The following PRPF8 variants were observed in gnomAD, a reference collection of about 807,000 sequenced individuals.
PRPF8 encodes the protein pre-mRNA processing factor 8.
A neutral mutation model predicts 285.9 loss-of-function variants in PRPF8; 64 were observed. The observed-to-expected ratio is 0.22, with a 90% CI of 0.18 to 0.28. The LOEUF (loss-of-function observed/expected upper bound fraction) is 0.28. Among genes scored for constraint, PRPF8 ranks in the 10% least tolerant of loss-of-function variants. The pLI is 1.00. For missense variants in PRPF8, 1,426 were observed against 3,026.7 expected, an observed-to-expected ratio of 0.47 and a Z score of 12.41; for synonymous variants, 1,325 against 1,118.2, an observed-to-expected ratio of 1.18 and a Z score of -3.69.
At position 1,651,211 on chromosome 17, in the gene PRPF8, G is replaced by T. The variant is rs759598868; in HGVS notation, c.6750C>A (p.Gly2250=). ...QNTDKGNNPK[G]YLPSHYERVQ... ...CCCTCTCATAGTGTGAAGGCAGGTAGCCCTTGGGGTTGTTGCCCTTGTCTG... is the reference window on the plus strand; with the variant it reads ...CCCTCTCATAGTGTGAAGGCAGGTATCCCTTGGGGTTGTTGCCCTTGTCTG... The change falls in exon 42 of 43, where the codon GGC becomes GGA. Residue 2250 remains glycine, a synonymous_variant. Transcript: ENST00000304992. The surrounding 1 kb of genome is among the most constrained non-coding windows in gnomAD (Gnocchi z 5.1). 3.7e-6 allele frequency: 6 copies of T among 1,614,152 alleles called. No homozygotes were observed. Among genetic ancestry groups the T allele is most frequent in the Non-Finnish European group, 5.1e-6 (6 of 1,180,046 alleles).
In PRPF8 at chr17:1,673,778, G is replaced by A; in HGVS notation, c.3414C>T (p.Ala1138=). 1 of 1,614,122 alleles carries A rather than the reference G, an allele frequency of 6.2e-7. No individual in the cohort carries two copies. Among genetic ancestry groups the A allele is most frequent in the Non-Finnish European group, 8.5e-7 (1 of 1,180,032 alleles). ...YNNKKCWPRD[A]RMRLMKHDVN... ...CATCATGTTTCATGAGGCGCATGCG[G>A]GCATCTCGGGGCCAGCACTTCTTGT... Residue 1138 remains alanine (A), a synonymous_variant, in exon 22 of 43, where the codon GCC becomes GCT. Coordinates refer to ENST00000304992, the MANE Select transcript of PRPF8 (RefSeq NM_006445.4). The surrounding 1 kb of genome is among the most constrained non-coding windows in gnomAD (Gnocchi z 5.5).
Position 1,659,867 on chromosome 17 carries a change from G to A in PRPF8, c.4920C>T (p.Ser1640=), listed in dbSNP as rs368708320. The change falls in exon 31 of 43, where the codon TCC becomes TCT. Residue 1640 remains serine (S), a synonymous_variant. Transcript: ENST00000304992. The surrounding 1 kb of genome is among the most constrained non-coding windows in gnomAD (Gnocchi z 5.1). ...TGGAGTCAGCCAGCAATGAGGGCCG[G>A]GAGACATTCCACTTATAGGAGGCAA... ...LLFASYKWNV[S]RPSLLADSKD... is the part of the protein sequence containing the mutation. The A allele has an allele frequency of 5.6e-6, 9 of 1,614,078 alleles. No homozygotes were observed. The highest frequency in any genetic ancestry group is 2.2e-5 in the East Asian group (1 of 44,900).
intron 34 of PRPF8, among the ~76,000 whole-genome samples, 184 bp from the exon 35 acceptor site, chr17:1,656,945 C>T (rs373794134): frequency 1.4e-4 from 21 of 152,280 alleles, no homozygotes; most frequent in African/African-American, 5.1e-4. Context: ...CTGACAGCCC[C>T]TTTCAACAAG....
At chr17:1,678,689 A>C (rs1436252836) in intron 12 of PRPF8, 37 bp from the exon 13 acceptor site, 3 of 1,614,046 alleles carry the variant, frequency 1.9e-6, no homozygotes, top group Non-Finnish European at 2.5e-6. Context: ...TGGAGCTTAA[A>C]CCAGCTCCAC....
rs746620166 is a variant in PRPF8, at chr17:1,673,492, G to T, written c.3522C>A (p.Phe1174Leu). The change falls in exon 23 of 43, where the codon TTC (phenylalanine) becomes TTA (leucine). Residue 1174 changes from phenylalanine to leucine, a missense_variant. Coordinates refer to ENST00000304992, the MANE Select transcript of PRPF8 (RefSeq NM_006445.4). This position sits in a 1 kb window ranked among gnomAD's most constrained non-coding sequence, Gnocchi z 5.5. ...SVTTVQWENSFVSVYSKDNPN... is the reference protein window; with the variant it reads ...SVTTVQWENSLVSVYSKDNPN... Reference sequence around the variant, plus strand: ...GGTTGTCCTTACTGTACACAGACACGAAGCTGTTCTCCCACTGAACTGTAG... The same window carrying T: ...GGTTGTCCTTACTGTACACAGACACTAAGCTGTTCTCCCACTGAACTGTAG... 1.2e-6 allele frequency: 2 copies of T among 1,614,106 alleles called. No individual in the cohort carries two copies. Among genetic ancestry groups the T allele is most frequent in the South Asian group, 2.2e-5 (2 of 91,064 alleles).
At chr17:1,657,507 G>A (rs891452251) in intron 34 of PRPF8, among the ~76,000 whole-genome samples, 1 of 151,700 alleles carries the variant, frequency 6.6e-6, no homozygotes, top group Non-Finnish European at 1.5e-5. Flanking sequence ...TTAGCCGGGC[G>A]TGGTGGCGGG....
Position 1,673,287 on chromosome 17 carries a change from C to A in PRPF8, c.3657+70G>T, listed in dbSNP as rs1026178891. 4.2e-4 allele frequency: 680 copies of A among 1,605,164 alleles called. No homozygotes were observed. The highest frequency in any genetic ancestry group is 7.8e-4 in the South Asian group (71 of 90,860). Reference sequence around the variant, plus strand: ...CCACCACTCAAGTCTTTCCACCCAACAAGACTCCGGTGACTGACCCAGGAA... The same window carrying A: ...CCACCACTCAAGTCTTTCCACCCAAAAAGACTCCGGTGACTGACCCAGGAA... On this transcript the variant is annotated intron_variant, in intron 23 of 42. Coordinates refer to ENST00000304992, the MANE Select transcript of PRPF8 (RefSeq NM_006445.4). This position sits in a 1 kb window ranked among gnomAD's most constrained non-coding sequence, Gnocchi z 5.5.
At chr17:1,666,752 C>T (rs916633839) in intron 24 of PRPF8, among the ~76,000 whole-genome samples, 2 of 151,962 alleles carry the variant, frequency 1.3e-5, no homozygotes, top group South Asian at 4.2e-4. Flanking sequence ...TAGTAATCTG[C>T]CTTGAGCAAA....
Position 1,675,557 on chromosome 17 carries a change from A to AT in PRPF8, c.2872+62dup. 6.2e-7 allele frequency: 1 copy of AT among 1,601,116 alleles called. No individual in the cohort carries two copies. Among genetic ancestry groups the AT allele is most frequent in the Non-Finnish European group, 8.6e-7 (1 of 1,168,774 alleles). Reference sequence around the variant, plus strand: ...AAACCAATCATGCTACCCAGATGAGATTTTTGACGTAGAACTAAATTCCTG... The same window carrying AT: ...AAACCAATCATGCTACCCAGATGAGATTTTTTGACGTAGAACTAAATTCCTG... On this transcript the variant is annotated intron_variant, in intron 19 of 42. Coordinates refer to ENST00000304992, the MANE Select transcript of PRPF8 (RefSeq NM_006445.4). This position sits in a 1 kb window ranked among gnomAD's most constrained non-coding sequence, Gnocchi z 6.0.
At chr17:1,670,218 T>G (rs1203015612) in intron 24 of PRPF8, among the ~76,000 whole-genome samples, 1 of 152,216 alleles carries the variant, frequency 6.6e-6, no homozygotes, top group Non-Finnish European at 1.5e-5. Flanking sequence ...TGGGGAAATC[T>G]CCATCTGAAT....
chr17:1,668,552 C>T (rs1001902467), intron 24 of PRPF8, among the ~76,000 whole-genome samples: 6 of 151,590 alleles, frequency 4.0e-5, no homozygotes, highest in Admixed American at 1.3e-4. Context: ...TTAGTAGAGA[C>T]GGGGTTTCAC....
At chr17:1,655,627 ATTTT>A in intron 36 of PRPF8, 84 bp from the exon 37 acceptor site, 1 of 1,042,200 alleles carries the variant, frequency 9.6e-7, no homozygotes, top group Non-Finnish European at 1.4e-6. Flanking sequence ...AAACCCAAGA[ATTTT>A]TTTTTTTTCT....
At position 1,675,808 on chromosome 17, in the gene PRPF8, C is replaced by G; in HGVS notation, c.2684G>C (p.Gly895Ala). 6.2e-7 allele frequency: 1 copy of G among 1,614,138 alleles called. No homozygotes were observed. The highest frequency in any genetic ancestry group is 8.5e-7 in the Non-Finnish European group (1 of 1,180,026). Residue 895 changes from glycine to alanine, a missense_variant, in exon 19 of 43, where the codon GGC (glycine) becomes GCC (alanine). This residue lies in a region of PRPF8 where 70 missense variants were observed against 273.7 expected (regional missense o/e 0.26). Transcript: ENST00000304992. This position sits in a 1 kb window ranked among gnomAD's most constrained non-coding sequence, Gnocchi z 6.0. ...LLTQRAFKEV[G>A]IEFMDLYSHL... ...GCTATACAGATCCATGAACTCAATG[C>G]CCACCTGTGGGACAAGGAGGCTGGT...
intron 37 of PRPF8, 188 bp from the exon 38 acceptor site, chr17:1,654,204 G>C: frequency 1.2e-6 from 1 of 822,120 alleles, no homozygotes; most frequent in Non-Finnish European, 2.0e-6. Context: ...TCAGATCCAA[G>C]CGGGACAGCA....
chr17:1,658,681 AC>A lies in PRPF8; in HGVS notation c.5220del (p.Tyr1741MetfsTer48). 6.2e-7 allele frequency: 1 copy of A among 1,614,252 alleles called. No homozygotes were observed. The highest frequency in any genetic ancestry group is 8.5e-7 in the Non-Finnish European group (1 of 1,180,054). On this transcript the variant is annotated frameshift_variant, in exon 33 of 43. Coordinates refer to ENST00000304992, the MANE Select transcript of PRPF8 (RefSeq NM_006445.4). LOFTEE classifies it high-confidence loss of function. This position sits in a 1 kb window ranked among gnomAD's most constrained non-coding sequence, Gnocchi z 4.1. Reference sequence around the variant, plus strand: ...TTGCGGATCCGTTCACGTAACACATACAGGGCAGGGTTTGCCTTCATGATCT... The same window carrying A: ...TTGCGGATCCGTTCACGTAACACATAAGGGCAGGGTTTGCCTTCATGATCT... ...MAKIMKANPA[L>X]YVLRERIRKG...
chr17:1,658,484 A>G lies in PRPF8; in HGVS notation c.5376+42T>C. ...CTTAGCCCATTACTCTCCCACAGCC[A>G]TGTACAGAGTCCCGCACCTATACAC... On this transcript the variant is annotated intron_variant, in intron 33 of 42. Transcript: ENST00000304992. The surrounding 1 kb of genome is among the most constrained non-coding windows in gnomAD (Gnocchi z 4.1). 6.2e-7 allele frequency: 1 copy of G among 1,612,188 alleles called. No homozygotes were observed. The highest frequency in any genetic ancestry group is 8.5e-7 in the Non-Finnish European group (1 of 1,178,244).
At chr17:1,682,582 C>T (rs889207544) in intron 3 of PRPF8, among the ~76,000 whole-genome samples, 2 of 152,270 alleles carry the variant, frequency 1.3e-5, no homozygotes, top group South Asian at 2.1e-4. Context: ...CTATTCCCTC[C>T]GCATCTTCCC....
In PRPF8 at chr17:1,650,782, A is replaced by G; in HGVS notation, c.*20T>C. The G allele has an allele frequency of 6.2e-7, 1 of 1,613,486 alleles. No individual in the cohort carries two copies. On this transcript the variant is annotated 3_prime_UTR_variant, in exon 43 of 43. Transcript: ENST00000304992. The stretch of plus-strand genomic sequence containing the variant: ...TGAGGCTTCGGCCTCGGGAGGCTGA[A>G]GCAGGAGGCAGGGAAACGGTCAGGC...
chr17:1,674,016 C>T (rs1441293126), intron 21 of PRPF8, 124 bp from the exon 22 acceptor site: 1 of 1,042,260 alleles, frequency 9.6e-7, no homozygotes, highest in African/African-American at 1.6e-5. Flanking sequence ...GGGCTTCATT[C>T]CATTTTATTT....
Sources: allele counts gnomAD v4.1 joint callset (sites outside exome capture counted in the v4.1 genomes callset), GRCh38; gene constraint gnomAD v4.1.1; regional missense constraint gnomAD v4.1.1; non-coding constraint Gnocchi (gnomAD v3.1); transcripts MANE v1.5; gene names NCBI Gene and HGNC (gene_info 2026-07-23, HGNC 2026-07-21).